SPAG16: variants seen among roughly 807,000 people sequenced by gnomAD.
The protein encoded by SPAG16 is sperm associated antigen 16.
SPAG16 carries 86 observed loss-of-function variants against 80.4 expected under a neutral mutation model. The ratio of observed to expected loss-of-function variants is 1.07; its 90% CI spans 0.90 to 1.28. SPAG16 has a LOEUF of 1.28. Among genes scored for constraint, SPAG16 ranks in the 50% most tolerant of loss-of-function variants. The probability of loss-of-function intolerance (pLI) is 0.00; values close to 1 mark genes in which losing one functional copy is unlikely to be tolerated. For synonymous variants in SPAG16, 294 were observed against 265.9 expected (o/e 1.11, Z -1.03); for missense variants, 870 against 765.3 (o/e 1.14, Z -1.61).
At chr2:214,102,254 G>C (rs766855007) in intron 13 of SPAG16, among the ~76,000 whole-genome samples, 52 of 151,880 alleles carry the variant, frequency 3.4e-4, no homozygotes, top group Non-Finnish European at 5.7e-4. Context: ...AGTTTGTCTT[G>C]TGGAGCGTAA....
intron 10 of SPAG16, among the ~76,000 whole-genome samples, chr2:213,806,693 G>A (rs1287269875): frequency 1.3e-5 from 2 of 152,088 alleles, no homozygotes; most frequent in Non-Finnish European, 2.9e-5. Context: ...TGCACATGCT[G>A]AGTACAAACC....
At chr2:213,378,041 C>T (rs1023840574) in intron 9 of SPAG16, among the ~76,000 whole-genome samples, 6 of 151,836 alleles carry the variant, frequency 4.0e-5, no homozygotes, top group African/African-American at 9.7e-5. Context: ...AGTCCGAGTC[C>T]CAAAACTGAA....
At chr2:213,478,865 G>C (rs2073580382) in intron 9 of SPAG16, among the ~76,000 whole-genome samples, 1 of 151,940 alleles carries the variant, frequency 6.6e-6, no homozygotes, top group African/African-American at 2.4e-5. Context: ...TTAACCAATA[G>C]TCTTAAATAA....
intron 12 of SPAG16, among the ~76,000 whole-genome samples, chr2:213,996,976 A>G (rs1369447903): frequency 6.6e-6 from 1 of 152,188 alleles, no homozygotes; most frequent in African/African-American, 2.4e-5. Context: ...GATGGCTAGA[A>G]TGCTCTAGGG....
At chr2:213,290,866 C>T (rs913234987) in intron 1 of SPAG16, among the ~76,000 whole-genome samples, 3 of 152,192 alleles carry the variant, frequency 2.0e-5, no homozygotes, top group African/African-American at 7.2e-5. Flanking sequence ...AAGTTTTTCA[C>T]ATACAGTACT....
chr2:214,040,323 G>A (rs983559469), intron 13 of SPAG16, among the ~76,000 whole-genome samples: 2 of 152,078 alleles, frequency 1.3e-5, no homozygotes, highest in Non-Finnish European at 1.5e-5. Context: ...TTTAAGTTCA[G>A]GGGTGTAAGT....
At chr2:214,011,330 A>G (rs1378109016) in intron 12 of SPAG16, among the ~76,000 whole-genome samples, 2 of 146,492 alleles carry the variant, frequency 1.4e-5, no homozygotes, top group East Asian at 3.9e-4. Flanking sequence ...TAATTTTTTA[A>G]AAGAAAATAA....
intron 12 of SPAG16, among the ~76,000 whole-genome samples, chr2:214,003,853 A>G (rs186474970): frequency 4.9e-4 from 75 of 152,350 alleles, no homozygotes; most frequent in African/African-American, 1.8e-3. Context: ...AAGACACATC[A>G]CAGCCTTTTT....
At chr2:213,657,218 G>A (rs73988580) in intron 10 of SPAG16, among the ~76,000 whole-genome samples, 3,966 of 152,188 alleles carry the variant, frequency 0.026, 73 homozygotes, top group African/African-American at 0.047. Context: ...AGTGATAAGT[G>A]CATCAATGAA....
chr2:213,454,009 T>C (rs2071856115), intron 9 of SPAG16, among the ~76,000 whole-genome samples: 1 of 152,134 alleles, frequency 6.6e-6, no homozygotes, highest in African/African-American at 2.4e-5. Context: ...CTCTCTTTCT[T>C]CCTCCCCTTC....
intron 3 of SPAG16, among the ~76,000 whole-genome samples, chr2:213,301,990 T>A (rs985876367): frequency 6.6e-6 from 1 of 152,182 alleles, no homozygotes; most frequent in African/African-American, 2.4e-5. Context: ...AAGGGAAATA[T>A]TCTTCTCCAT....
intron 15 of SPAG16, among the ~76,000 whole-genome samples, chr2:214,154,953 G>C (rs1329900349): frequency 6.6e-6 from 1 of 152,152 alleles, no homozygotes. Context: ...TAATACCTGA[G>C]AGAGAGAAAG....
intron 15 of SPAG16, among the ~76,000 whole-genome samples, chr2:214,211,538 CT>C (rs907427432): frequency 6.6e-6 from 1 of 152,152 alleles, no homozygotes; most frequent in Non-Finnish European, 1.5e-5. Flanking sequence ...GGTCTTACAT[CT>C]TTTGGAAAAG....
At chr2:214,015,317 G>T (rs190303296) in intron 13 of SPAG16, among the ~76,000 whole-genome samples, 2 of 151,922 alleles carry the variant, frequency 1.3e-5, no homozygotes, top group African/African-American at 4.8e-5. Flanking sequence ...GGCTGGTTTC[G>T]GCTGGGTGCA....
chr2:213,315,795 C>G (rs1435251275), intron 4 of SPAG16, among the ~76,000 whole-genome samples: 5 of 151,798 alleles, frequency 3.3e-5, no homozygotes, highest in African/African-American at 1.2e-4. Flanking sequence ...TTGTTCAGTT[C>G]TTCCTTTTTA....
chr2:213,364,678 G>A (rs1489393558), intron 8 of SPAG16: 1 of 152,306 alleles, frequency 6.6e-6, no homozygotes, highest in Non-Finnish European at 1.5e-5. Context: ...CCAGAGAAGA[G>A]AGCTGCAATG....
chr2:214,047,244 A>T (rs146445370), intron 13 of SPAG16, among the ~76,000 whole-genome samples: 1 of 152,128 alleles, frequency 6.6e-6, no homozygotes, highest in East Asian at 1.9e-4. Context: ...CTAAGCAAAA[A>T]AGAACAAAAC....
intron 9 of SPAG16, among the ~76,000 whole-genome samples, chr2:213,444,413 A>G (rs980955794): frequency 6.6e-6 from 1 of 152,226 alleles, no homozygotes; most frequent in African/African-American, 2.4e-5. Context: ...GAATTGACCT[A>G]TAAATAACTG....
rs1374883423 is a variant in SPAG16 at position 213,492,061 on chromosome 2, G to T, written c.1070+1971G>T. 2.0e-5 allele frequency among the ~76,000 whole-genome samples: 3 copies of T among 152,096 alleles called. No homozygotes were observed. The East Asian group carries it at 5.8e-4, about 29-fold the overall frequency. On this transcript the variant is annotated intron_variant, in intron 10 of 15. Transcript: ENST00000331683. Reference sequence around the variant, plus strand: ...TCATTTCCAATTGGTCTCATTTTCTGCTTCCTTATACTACTATTTCTTTTT... The same window carrying T: ...TCATTTCCAATTGGTCTCATTTTCTTCTTCCTTATACTACTATTTCTTTTT...
Sources: allele counts gnomAD v4.1 joint callset (sites outside exome capture counted in the v4.1 genomes callset), GRCh38; gene constraint gnomAD v4.1.1; transcripts MANE v1.5; gene names NCBI Gene and HGNC (gene_info 2026-07-23, HGNC 2026-07-21).